Variants in TMEM132C observed in about 807,000 individuals in gnomAD.
TMEM132C encodes the protein transmembrane protein 132C, also known as protein phosphatase 1, regulatory subunit 152.
A neutral mutation model predicts 61.4 loss-of-function variants in TMEM132C; 29 were observed. The observed-to-expected ratio is 0.47, with a 90% CI of 0.35 to 0.64. TMEM132C has a LOEUF of 0.64. TMEM132C is among the 30% of genes least tolerant of loss of function. The pLI, the probability that TMEM132C is intolerant of heterozygous loss-of-function variation, is 0.00. For synonymous variants in TMEM132C, 656 were observed against 633.1 expected, an observed-to-expected ratio of 1.04 and a Z score of -0.54; for missense variants, 1,408 against 1,476.9, an observed-to-expected ratio of 0.95 and a Z score of 0.76.
At chr12:128,684,612 G>A (rs1954660407) in intron 5 of TMEM132C, among the ~76,000 whole-genome samples, 1 of 152,194 alleles carries the variant, frequency 6.6e-6, no homozygotes, top group Admixed American at 6.5e-5. Context: ...CCAAGTCTTG[G>A]CAGCATTGTG....
At chr12:128,429,653 G>A (rs1040418200) in intron 2 of TMEM132C, among the ~76,000 whole-genome samples, 2 of 152,182 alleles carry the variant, frequency 1.3e-5, no homozygotes, top group African/African-American at 4.8e-5. Flanking sequence ...AACCTAGTTA[G>A]CCTATACTTT....
intron 4 of TMEM132C, among the ~76,000 whole-genome samples, chr12:128,621,382 G>A (rs1420244260): frequency 6.6e-6 from 1 of 152,216 alleles, no homozygotes; most frequent in African/African-American, 2.4e-5. Context: ...TGTACACAAG[G>A]AGACAGAGAT....
intron 3 of TMEM132C, among the ~76,000 whole-genome samples, chr12:128,607,378 C>G (rs1347186467): frequency 1.3e-5 from 2 of 152,112 alleles, no homozygotes; most frequent in African/African-American, 4.8e-5. Context: ...TGGGGAAGCC[C>G]TTGGAGGTTT....
intron 1 of TMEM132C, among the ~76,000 whole-genome samples, chr12:128,316,327 G>A (rs1057400614): frequency 3.3e-5 from 5 of 152,142 alleles, no homozygotes; most frequent in Non-Finnish European, 5.9e-5. Context: ...AACCACTGGG[G>A]CGAGGTTCCC....
chr12:128,613,999 A>T (rs1210175163), intron 3 of TMEM132C, among the ~76,000 whole-genome samples: 2 of 152,174 alleles, frequency 1.3e-5, no homozygotes, highest in South Asian at 2.1e-4. Flanking sequence ...GGTCTTGCTG[A>T]CCACTGACCC....
At chr12:128,477,988 T>A (rs987232929) in intron 2 of TMEM132C, among the ~76,000 whole-genome samples, 4 of 152,214 alleles carry the variant, frequency 2.6e-5, no homozygotes, top group Non-Finnish European at 5.9e-5. Flanking sequence ...AAGAACATGA[T>A]GGCATAACAA....
intron 2 of TMEM132C, among the ~76,000 whole-genome samples, chr12:128,447,336 C>G (rs949577223): frequency 6.6e-6 from 1 of 152,126 alleles, no homozygotes; most frequent in Non-Finnish European, 1.5e-5. Flanking sequence ...ACTGTCTTAT[C>G]AAGACGTTAT....
At chr12:128,518,166 G>A (rs1872780889) in intron 2 of TMEM132C, among the ~76,000 whole-genome samples, 1 of 152,182 alleles carries the variant, frequency 6.6e-6, no homozygotes, top group Non-Finnish European at 1.5e-5. Flanking sequence ...TCTGGGCCCT[G>A]GTGGATAAAG....
chr12:128,626,095 T>C (rs1459048618), intron 4 of TMEM132C, among the ~76,000 whole-genome samples: 1 of 151,958 alleles, frequency 6.6e-6, no homozygotes, highest in Non-Finnish European at 1.5e-5. Context: ...CCTGAAGTTA[T>C]TTTGAATTTT....
chr12:128,470,409 A>G (rs928198114), intron 2 of TMEM132C, among the ~76,000 whole-genome samples: 11 of 152,294 alleles, frequency 7.2e-5, no homozygotes, highest in Middle Eastern at 3.4e-3. Context: ...CAGTGGCAGA[A>G]GAATCTTTTC....
intron 1 of TMEM132C, among the ~76,000 whole-genome samples, chr12:128,383,040 G>A (rs1274862511): frequency 6.6e-6 from 1 of 152,192 alleles, no homozygotes; most frequent in East Asian, 1.9e-4. Context: ...ATGTCTGTGT[G>A]TGTGCACGTG....
intron 4 of TMEM132C, among the ~76,000 whole-genome samples, chr12:128,657,885 A>C (rs1219900127): frequency 6.6e-6 from 1 of 152,162 alleles, no homozygotes; most frequent in Non-Finnish European, 1.5e-5. Flanking sequence ...TGGAGTGGCC[A>C]CCTCTGTACC....
intron 2 of TMEM132C, among the ~76,000 whole-genome samples, chr12:128,541,740 A>C (rs1873761346): frequency 1.3e-5 from 2 of 152,216 alleles, no homozygotes; most frequent in Admixed American, 6.5e-5. Flanking sequence ...TGCTGACTTC[A>C]GGCTTCACTG....
At chr12:128,380,751 A>G (rs982246104) in intron 1 of TMEM132C, among the ~76,000 whole-genome samples, 2 of 152,224 alleles carry the variant, frequency 1.3e-5, no homozygotes, top group Non-Finnish European at 2.9e-5. Context: ...TCTCTTTAAA[A>G]AAAAGAGTGT....
intron 1 of TMEM132C, among the ~76,000 whole-genome samples, chr12:128,324,433 A>G (rs893149684): frequency 6.6e-6 from 1 of 152,192 alleles, no homozygotes; most frequent in Non-Finnish European, 1.5e-5. Context: ...CTCCACGTCC[A>G]TGAGTGCATG....
chr12:128,679,750 C>A (rs1340077063), intron 5 of TMEM132C, among the ~76,000 whole-genome samples: 1 of 152,152 alleles, frequency 6.6e-6, no homozygotes, highest in Non-Finnish European at 1.5e-5. Context: ...CCCACTTTCA[C>A]AAATTTATCT....
At chr12:128,683,243 G>A (rs910441513) in intron 5 of TMEM132C, among the ~76,000 whole-genome samples, 4 of 152,144 alleles carry the variant, frequency 2.6e-5, no homozygotes, top group East Asian at 3.9e-4. Context: ...TGCCAAGCCC[G>A]AGGTTTCTGC....
chr12:128,310,227 T>G (rs1253767322), intron 1 of TMEM132C, among the ~76,000 whole-genome samples: 1 of 152,228 alleles, frequency 6.6e-6, no homozygotes, highest in East Asian at 1.9e-4. Context: ...ATGATTATTT[T>G]TATTAGTTAA....
At chr12:128,360,473 T>C (rs1873667799) in intron 1 of TMEM132C, among the ~76,000 whole-genome samples, 1 of 152,142 alleles carries the variant, frequency 6.6e-6, no homozygotes, top group African/African-American at 2.4e-5. Flanking sequence ...TAACGTTATA[T>C]AGTTTTAATT....
Sources: allele counts gnomAD v4.1 joint callset (sites outside exome capture counted in the v4.1 genomes callset), GRCh38; gene constraint gnomAD v4.1.1; transcripts MANE v1.5; gene names NCBI Gene and HGNC (gene_info 2026-07-23, HGNC 2026-07-21).